SPATA32: variants seen among roughly 807,000 people sequenced by gnomAD.
SPATA32 encodes spermatogenesis associated 32, also known as spermatogenesis-associated protein 32.
SPATA32 carries 28 observed loss-of-function variants against 35.4 expected under a neutral mutation model. That is an observed-to-expected ratio of 0.79 (90% CI 0.59 to 1.09). The LOEUF (loss-of-function observed/expected upper bound fraction) is 1.09. Among genes scored for constraint, SPATA32 ranks in the 50% least tolerant of loss-of-function variants. The probability of loss-of-function intolerance (pLI) is 0.00; values close to 1 mark genes in which losing one functional copy is unlikely to be tolerated. For synonymous variants in SPATA32, 168 were observed against 196.3 expected, an observed-to-expected ratio of 0.86 and a Z score of 1.20; for missense variants, 409 against 475.9, an observed-to-expected ratio of 0.86 and a Z score of 1.31.
chr17:45,256,015 GGGTCCA>G lies in SPATA32; in HGVS notation c.161_166del (p.Leu54_Asp55del), dbSNP rs758943250. On this transcript the variant is annotated inframe_deletion, in exon 4 of 5. Coordinates refer to ENST00000331780, the MANE Select transcript of SPATA32 (RefSeq NM_152343.3). This position sits in a 1 kb window ranked among gnomAD's most constrained non-coding sequence, Gnocchi z 4.7. ...CAGTTCTGGGTCTGGGTCTGGGTCT[GGGTCCA>G]GGTCCAGGTCCACTTGGAGTTGGGG... 1.2e-6 allele frequency: 2 copies of G among 1,613,540 alleles called. No homozygotes were observed. Among genetic ancestry groups the G allele is most frequent in the African/African-American group, 2.7e-5 (2 of 74,894 alleles).
Position 45,255,314 on chromosome 17 carries a change from C to G in SPATA32, c.868G>C (p.Glu290Gln). ...TCTGGCAGGGTCTCTGCGTGATTTT[C>G]TGGCTCTCGCTCCTCCACAGTGGTC... is the stretch of plus-strand genomic sequence containing the variant. ...LLTTVEEREPENHAETLPEKP... is the reference protein window; with the variant it reads ...LLTTVEEREPQNHAETLPEKP... The change falls in exon 4 of 5, where the codon GAA becomes CAA. Residue 290 changes from glutamate (E) to glutamine (Q), a missense_variant. Physicochemically the swap from Glu to Gln is conservative, Grantham distance 29 (BLOSUM62 2). Coordinates refer to ENST00000331780, the MANE Select transcript of SPATA32 (RefSeq NM_152343.3). This position sits in a 1 kb window ranked among gnomAD's most constrained non-coding sequence, Gnocchi z 5.4. 5.6e-6 allele frequency: 9 copies of G among 1,614,226 alleles called. No individual in the cohort carries two copies. Among genetic ancestry groups the G allele is most frequent in the Non-Finnish European group, 7.6e-6 (9 of 1,180,040 alleles).
At chr17:45,257,293 C>A (rs929947854) in intron 1 of SPATA32, 86 bp from the exon 2 acceptor site, 58 of 1,392,340 alleles carry the variant, frequency 4.2e-5, no homozygotes, top group Non-Finnish European at 5.4e-5. Flanking sequence ...CCTTTTCCTG[C>A]CCTTCTTTTC....
chr17:45,261,977 C>T (rs2044014557), intron 1 of SPATA32, 27 bp downstream of exon 1: 2 of 1,312,364 alleles, frequency 1.5e-6, no homozygotes, highest in Non-Finnish European at 2.0e-6. Flanking sequence ...CCCCAACCCT[C>T]GCCCCCGGGC....
rs2043954262 is a variant in SPATA32 at position 45,256,053 on chromosome 17, C to T, written c.129G>A (p.Glu43=). ...GGTCCACTTGGAGTTGGGGCTTCTG[C>T]TCTAGCATGTCTGCCTCCAGCTGAA... The part of the protein sequence containing the change: ...EEQELEADML[E]QKPQLQVDLD... The change falls in exon 4 of 5, where the codon GAG becomes GAA. Residue 43 remains glutamate (E), a synonymous_variant. Coordinates refer to ENST00000331780, the MANE Select transcript of SPATA32 (RefSeq NM_152343.3). This position sits in a 1 kb window ranked among gnomAD's most constrained non-coding sequence, Gnocchi z 4.7. 1.2e-6 allele frequency: 2 copies of T among 1,606,314 alleles called. No individual in the cohort carries two copies. Among genetic ancestry groups the T allele is most frequent in the Non-Finnish European group, 1.7e-6 (2 of 1,176,048 alleles).
intron 1 of SPATA32, chr17:45,260,622 A>C (rs1021509101): frequency 3.3e-5 from 5 of 152,190 alleles, no homozygotes; most frequent in East Asian, 1.9e-4. Context: ...TGCAGCTATT[A>C]AGAGCAGCAC....
At chr17:45,257,029 G>T in intron 2 of SPATA32, 124 bp downstream of exon 2, 2 of 1,108,858 alleles carry the variant, frequency 1.8e-6, no homozygotes, top group Non-Finnish European at 2.6e-6. Flanking sequence ...CACTGGCCCC[G>T]GGGAGGTTTT....
Position 45,256,282 on chromosome 17 carries a change from C to T in SPATA32, c.108+94G>A. 7.3e-7 allele frequency: 1 copy of T among 1,376,880 alleles called. No homozygotes were observed. The highest frequency in any genetic ancestry group is 1.0e-6 in the Non-Finnish European group (1 of 964,482). The allele number at this position is 1,376,880 out of a possible 1,614,324, so 85.3% of individuals were successfully genotyped here. ...CCCACACCGGCCTGGTACTAGGGTC[C>T]CAGGATTGTCAAGGGTAGGGGCTGG... is the stretch of plus-strand genomic sequence containing the variant. On this transcript the variant is annotated intron_variant, in intron 3 of 4. Coordinates refer to ENST00000331780, the MANE Select transcript of SPATA32 (RefSeq NM_152343.3). The surrounding 1 kb of genome is among the most constrained non-coding windows in gnomAD (Gnocchi z 4.7).
At position 45,254,504 on chromosome 17, in the gene SPATA32, C is replaced by T. The variant is rs758698006; in HGVS notation, c.1077G>A (p.Pro359=). Residue 359 remains proline, a synonymous_variant, in exon 5 of 5, where the codon CCG becomes CCA. Coordinates refer to ENST00000331780, the MANE Select transcript of SPATA32 (RefSeq NM_152343.3). ...LLQGSKEDSV[P]PGKEKENPLL... ...ATGGATTCTCTTTCTCTTTTCCTGG[C>T]GGCACTGAGCTGCAACACAAAAGAG... The T allele has an allele frequency of 5.9e-5, 95 of 1,613,866 alleles. No homozygotes were observed. The highest frequency in any genetic ancestry group is 6.7e-5 in the Non-Finnish European group (79 of 1,179,960).
intron 1 of SPATA32, among the ~76,000 whole-genome samples, chr17:45,258,243 G>A (rs1598228294): frequency 1.3e-5 from 2 of 152,266 alleles, no homozygotes; most frequent in South Asian, 4.1e-4. Flanking sequence ...CCTGGTCTTG[G>A]GGGATGTATC....
At chr17:45,261,094 G>GTTTTTTTTTT (rs1491518933) in intron 1 of SPATA32, 4 of 62,368 alleles carry the variant, frequency 6.4e-5, no homozygotes, top group African/African-American at 2.4e-4. Flanking sequence ...CCCGACCTCT[G>GTTTTTTTTTT]GTTTTTTTTT....
At chr17:45,260,091 A>C (rs1270356423) in intron 1 of SPATA32, 1 of 143,158 alleles carries the variant, frequency 7.0e-6, no homozygotes, top group Non-Finnish European at 1.5e-5. Context: ...TGACAGAGCA[A>C]GACTCTGTCT....
Position 45,256,484 on chromosome 17 carries a change from G to T in SPATA32, c.69-69C>A. ...CTTCAGCGGGAAGGGGGTTTCTGGGGCCCTCAAAGCCCTCTGCCTTGTAAC... is the reference window on the plus strand; with the variant it reads ...CTTCAGCGGGAAGGGGGTTTCTGGGTCCCTCAAAGCCCTCTGCCTTGTAAC... On this transcript the variant is annotated intron_variant, in intron 2 of 4. Coordinates refer to ENST00000331780, the MANE Select transcript of SPATA32 (RefSeq NM_152343.3). The surrounding 1 kb of genome is among the most constrained non-coding windows in gnomAD (Gnocchi z 4.7). 7.5e-7 allele frequency: 1 copy of T among 1,341,508 alleles called. No individual in the cohort carries two copies. 83.1% of individuals were successfully genotyped at this position (1,341,508 alleles called of 1,614,324 possible).
At position 45,255,889 on chromosome 17, in the gene SPATA32, T is replaced by G; in HGVS notation, c.293A>C (p.Asp98Ala). The change falls in exon 4 of 5, where the codon GAC becomes GCC. Residue 98 changes from aspartate to alanine, a missense_variant. Coordinates refer to ENST00000331780, the MANE Select transcript of SPATA32 (RefSeq NM_152343.3). This position sits in a 1 kb window ranked among gnomAD's most constrained non-coding sequence, Gnocchi z 5.4. ...TACCAGCTGCATGGGTTCTTCAAAG[T>G]CAGACTCCTCGTTCGAGTTGGCTTC... is the stretch of plus-strand genomic sequence containing the variant. ...DTEANSNEES[D>A]FEEPMQLVCK... 6.2e-7 allele frequency: 1 copy of G among 1,614,116 alleles called. No homozygotes were observed. Among genetic ancestry groups the G allele is most frequent in the Non-Finnish European group, 8.5e-7 (1 of 1,180,014 alleles).
In SPATA32 at chr17:45,261,920, C is replaced by T. The variant is rs1026750657; in HGVS notation, c.13+84G>A. ...AACGGGCCCTGGGCGGATTCCTGAC[C>T]GCCCCCTTCGCGCCCCTCCCCCTCT... On this transcript the variant is annotated intron_variant, in intron 1 of 4. Transcript: ENST00000331780. 3.4e-5 allele frequency: 43 copies of T among 1,256,514 alleles called. No homozygotes were observed. In the East Asian group the frequency reaches 7.6e-4, roughly 22 times the overall value. 77.8% of individuals were successfully genotyped at this position (1,256,514 alleles called of 1,614,324 possible).
At chr17:45,260,227 TG>T (rs1466359550) in intron 1 of SPATA32, 3 of 152,124 alleles carry the variant, frequency 2.0e-5, no homozygotes, top group African/African-American at 7.2e-5. Context: ...TGAGCCACCA[TG>T]CCTGGCCTAA....
chr17:45,255,048 G>C lies in SPATA32; in HGVS notation c.1067+67C>G. 2 of 1,488,778 alleles carry C rather than the reference G, an allele frequency of 1.3e-6. No homozygotes were observed. The highest frequency in any genetic ancestry group is 1.9e-6 in the Non-Finnish European group (2 of 1,079,018). 92.2% of individuals were successfully genotyped at this position (1,488,778 alleles called of 1,614,324 possible). A position where few individuals can be genotyped will look rare whatever the true frequency, so the allele number is the denominator to read the frequency against. ...CACTGTTCCCCACCCCTACCCAGCT[G>C]TGTGAGGACCCCTGCCACGTTCTAG... On this transcript the variant is annotated intron_variant, in intron 4 of 4. Transcript: ENST00000331780. This position sits in a 1 kb window ranked among gnomAD's most constrained non-coding sequence, Gnocchi z 5.4.
At position 45,255,613 on chromosome 17, in the gene SPATA32, G is replaced by T; in HGVS notation, c.569C>A (p.Ser190Tyr). 6.2e-7 allele frequency: 1 copy of T among 1,613,998 alleles called. No homozygotes were observed. Among genetic ancestry groups the T allele is most frequent in the East Asian group, 2.2e-5 (1 of 44,888 alleles). ...GGTGGGGATGGCCTCCCGGAGCGGGGATCTGATGGGCTGGCCTGCGCTGCC... is the reference window on the plus strand; with the variant it reads ...GGTGGGGATGGCCTCCCGGAGCGGGTATCTGATGGGCTGGCCTGCGCTGCC... ...NNGSAGQPIR[S>Y]PLREAIPTNA... Residue 190 changes from serine to tyrosine, a missense_variant, in exon 4 of 5, where the codon TCC (serine) becomes TAC (tyrosine). Transcript: ENST00000331780. This position sits in a 1 kb window ranked among gnomAD's most constrained non-coding sequence, Gnocchi z 5.4.
At position 45,262,049 on chromosome 17, in the gene SPATA32, CG is replaced by C. The variant is rs1246335939; in HGVS notation, c.-34del. On this transcript the variant is annotated 5_prime_UTR_variant, in exon 1 of 5. Transcript: ENST00000331780. ...GAGGCTCTGTCCTGGAGGCGGGGAGCGGGCTGGTGGATGCTGCCTCTCCGCC... is the reference window on the plus strand; with the variant it reads ...GAGGCTCTGTCCTGGAGGCGGGGAGCGGCTGGTGGATGCTGCCTCTCCGCC... 34 of 1,310,604 alleles carry C rather than the reference CG, an allele frequency of 2.6e-5. No homozygotes were observed. Among genetic ancestry groups the C allele is most frequent in the Non-Finnish European group, 3.3e-5 (34 of 1,021,174 alleles). The allele number at this position is 1,310,604 out of a possible 1,614,324, so 81.2% of individuals were successfully genotyped here.
At chr17:45,258,338 TTCTCCCTC>T (rs1339598668) in intron 1 of SPATA32, among the ~76,000 whole-genome samples, 5 of 152,112 alleles carry the variant, frequency 3.3e-5, no homozygotes, top group African/African-American at 2.4e-5. Flanking sequence ...CGTGTCTCTC[TTCTCCCTC>T]TCCAACTCCC....
Sources: allele counts gnomAD v4.1 joint callset (sites outside exome capture counted in the v4.1 genomes callset), GRCh38; gene constraint gnomAD v4.1.1; non-coding constraint Gnocchi (gnomAD v3.1); transcripts MANE v1.5; gene names NCBI Gene and HGNC (gene_info 2026-07-23, HGNC 2026-07-21).